MIPEP: variants seen among roughly 807,000 people sequenced by gnomAD.
MIPEP encodes mitochondrial intermediate peptidase.
A neutral mutation model predicts 90.3 loss-of-function variants in MIPEP; 79 were observed. The observed-to-expected ratio is 0.87, with a 90% CI of 0.73 to 1.05. The LOEUF (loss-of-function observed/expected upper bound fraction) is 1.05. Among genes scored for constraint, MIPEP ranks in the 50% least tolerant of loss-of-function variants. MIPEP has a pLI of 0.00. For synonymous variants in MIPEP, 334 were observed against 315.8 expected, an observed-to-expected ratio of 1.06 and a Z score of -0.61; for missense variants, 940 against 905.6, an observed-to-expected ratio of 1.04 and a Z score of -0.49.
chr13:23,760,542 G>C (rs777369970), intron 16 of MIPEP: 3 of 557,674 alleles, frequency 5.4e-6, no homozygotes, highest in Non-Finnish European at 1.1e-5. Context: ...CTGGTATCTT[G>C]GAAGAGGAGG....
At chr13:23,841,193 G>T in intron 11 of MIPEP, 142 bp downstream of exon 11, 1 of 672,048 alleles carries the variant, frequency 1.5e-6, no homozygotes, top group African/African-American at 1.8e-5. Flanking sequence ...AGTGCAATTT[G>T]GATTTTTTTT....
At chr13:23,846,845 ATG>A (rs1566015727) in intron 10 of MIPEP, among the ~76,000 whole-genome samples, 1 of 152,170 alleles carries the variant, frequency 6.6e-6, no homozygotes, top group Non-Finnish European at 1.5e-5. Context: ...GATGATGATG[ATG>A]ATGATGGTAA....
rs748833337 is a variant in MIPEP, at chr13:23,730,430, C to T, written c.2060G>A (p.Cys687Tyr). The T allele has an allele frequency of 2.5e-6, 4 of 1,610,632 alleles. No homozygotes were observed. The highest frequency in any genetic ancestry group is 1.3e-5 in the African/African-American group (1 of 74,780). The change falls in exon 19 of 19, where the codon TGT (cysteine) becomes TAT (tyrosine). Residue 687 changes from cysteine to tyrosine, a missense_variant. Transcript: ENST00000382172. ...MLMVEGMLQKCPSVDDFVSAL... is the reference protein window; with the variant it reads ...MLMVEGMLQKYPSVDDFVSAL... ...ACTTACGAAGTCATCAACAGAAGGA[C>T]ACTTCTGAAGCATACCTGCAAACAA...
At chr13:23,839,019 C>G (rs1479137797) in intron 12 of MIPEP, among the ~76,000 whole-genome samples, 1 of 152,226 alleles carries the variant, frequency 6.6e-6, no homozygotes, top group East Asian at 1.9e-4. Flanking sequence ...ATAACCTAAA[C>G]TCTTGACATT....
intron 4 of MIPEP, among the ~76,000 whole-genome samples, chr13:23,878,466 T>C (rs1361634591): frequency 3.3e-5 from 5 of 152,026 alleles, no homozygotes; most frequent in Admixed American, 1.3e-4. Flanking sequence ...AAGCCACATA[T>C]GGAGACAAAA....
Position 23,806,051 on chromosome 13 carries a change from C to A in MIPEP, c.1747G>T (p.Asp583Tyr). Residue 583 changes from aspartate (D) to tyrosine (Y), a missense_variant, in exon 16 of 19, where the codon GAT becomes TAT. Coordinates refer to ENST00000382172, the MANE Select transcript of MIPEP (RefSeq NM_005932.4). ...GGATGCTTCCCATGGTAGATTTGAT[C>A]CAGAGTGGCATAAAAGACCTAGATA... ...MQLQVFYATL[D>Y]QIYHGKHPLR... is the part of the protein sequence containing the mutation. 1.9e-6 allele frequency: 3 copies of A among 1,613,920 alleles called. No individual in the cohort carries two copies. Among genetic ancestry groups the A allele is most frequent in the Non-Finnish European group, 2.5e-6 (3 of 1,179,938 alleles).
In MIPEP at chr13:23,746,577, T is replaced by G. The variant is rs550076985; in HGVS notation, c.2044+9968A>C. 3.1e-4 allele frequency among the ~76,000 whole-genome samples: 44 copies of G among 144,056 alleles called. 1 individual carries two copies. The South Asian group carries it at 8.9e-3, about 29-fold the overall frequency. 94.5% of individuals were successfully genotyped at this position (144,056 alleles called of 152,430 possible). ...TGAACCAAGGAGGCAGAGGTTGTAG[T>G]GAGCTGAGATCACCTCACTGCACTC... On this transcript the variant is annotated intron_variant, in intron 18 of 18. Coordinates refer to ENST00000382172, the MANE Select transcript of MIPEP (RefSeq NM_005932.4).
intron 14 of MIPEP, among the ~76,000 whole-genome samples, chr13:23,812,482 A>AT (rs1243155423): frequency 5.4e-4 from 2 of 3,670 alleles, no homozygotes; most frequent in Non-Finnish European, 2.3e-3. Context: ...ACCCTGAGAA[A>AT]TAAAAAAAAA....
At chr13:23,887,678 G>C (rs1871563045) in intron 1 of MIPEP, among the ~76,000 whole-genome samples, 2 of 152,158 alleles carry the variant, frequency 1.3e-5, no homozygotes. Flanking sequence ...CAAGTGACCG[G>C]AGCAGATGCT....
chr13:23,730,471 T>C, intron 18 of MIPEP, 26 bp from the exon 19 acceptor site: 1 of 1,506,828 alleles, frequency 6.6e-7, no homozygotes, highest in Non-Finnish European at 9.2e-7. Context: ...AGGTCAGAAC[T>C]GCGTTCACCA....
rs76106003 is a variant in MIPEP at position 23,779,314 on chromosome 13, T to C, written c.1849-19097A>G. Among the ~76,000 whole-genome samples, 6 of 152,228 alleles carry C rather than the reference T, an allele frequency of 3.9e-5. No individual in the cohort carries two copies. In the East Asian group the frequency reaches 7.7e-4, roughly 20 times the overall value. On this transcript the variant is annotated intron_variant, in intron 16 of 18. Transcript: ENST00000382172. Reference sequence around the variant, plus strand: ...ATTGTGGCAGGTATCAAAGATAGTATGTTTTCATTAGAATTTCCAGCCACA... The same window carrying C: ...ATTGTGGCAGGTATCAAAGATAGTACGTTTTCATTAGAATTTCCAGCCACA...
chr13:23,809,551 G>C (rs1254428311), intron 15 of MIPEP, among the ~76,000 whole-genome samples: 1 of 152,018 alleles, frequency 6.6e-6, no homozygotes, highest in African/African-American at 2.4e-5. Context: ...CACCGTGTTG[G>C]TTAAGCTGGT....
chr13:23,762,755 C>A (rs2138519806), intron 16 of MIPEP, among the ~76,000 whole-genome samples: 1 of 152,328 alleles, frequency 6.6e-6, no homozygotes, highest in Admixed American at 6.5e-5. Flanking sequence ...TGCACAGCAA[C>A]TAGACCTGTA....
At chr13:23,770,482 G>A (rs1272372584) in intron 16 of MIPEP, among the ~76,000 whole-genome samples, 3 of 152,162 alleles carry the variant, frequency 2.0e-5, no homozygotes, top group African/African-American at 4.8e-5. Context: ...TGGAACAACC[G>A]GTTTCACTGC....
intron 17 of MIPEP, chr13:23,756,962 A>G (rs139985513): frequency 1.1e-3 from 302 of 279,736 alleles, no homozygotes; most frequent in African/African-American, 6.5e-3. Context: ...GTGAAAGACA[A>G]TTTTTCCACA....
At chr13:23,789,086 G>T (rs945070848) in intron 16 of MIPEP, among the ~76,000 whole-genome samples, 1 of 152,150 alleles carries the variant, frequency 6.6e-6, no homozygotes, top group East Asian at 1.9e-4. Context: ...GGGATTACAG[G>T]TGTGAGCCAT....
At chr13:23,779,124 T>G (rs1952748454) in intron 16 of MIPEP, among the ~76,000 whole-genome samples, 1 of 152,206 alleles carries the variant, frequency 6.6e-6, no homozygotes, top group South Asian at 2.1e-4. Flanking sequence ...ACCAGAAACA[T>G]GCCAAATAAG....
At chr13:23,849,230 T>C (rs1477169272) in intron 10 of MIPEP, among the ~76,000 whole-genome samples, 1 of 152,122 alleles carries the variant, frequency 6.6e-6, no homozygotes, top group Non-Finnish European at 1.5e-5. Flanking sequence ...AACATTTTCC[T>C]CTCTCATCTA....
intron 10 of MIPEP, among the ~76,000 whole-genome samples, chr13:23,842,095 T>C (rs867650114): frequency 6.6e-6 from 1 of 152,206 alleles, no homozygotes; most frequent in Non-Finnish European, 1.5e-5. Context: ...TTCTGTTCTA[T>C]ATATTCCAAT....
Sources: gnomAD v4.1 joint callset for allele counts (sites outside exome capture counted in the v4.1 genomes callset) on GRCh38, gnomAD v4.1.1 for gene constraint, MANE v1.5 for transcripts, NCBI Gene and HGNC (gene_info 2026-07-23, HGNC 2026-07-21) for gene names.